Variants in DMXL1 observed in about 807,000 individuals in gnomAD.
DMXL1 encodes dmX-like protein 1.
In DMXL1, 99 loss-of-function variants were observed where a neutral mutation model predicts 319.2. The ratio of observed to expected loss-of-function variants is 0.31; its 90% CI spans 0.26 to 0.37. The LOEUF is 0.37. Ranked by LOEUF, DMXL1 falls within the 10% of genes least tolerant of loss-of-function variation. DMXL1 has a pLI of 1.00. For synonymous variants in DMXL1, 1,385 were observed against 1,235.2 expected, an observed-to-expected ratio of 1.12 and a Z score of -2.54; for missense variants, 3,745 against 3,595.6, an observed-to-expected ratio of 1.04 and a Z score of -1.06.
At position 119,096,290 on chromosome 5, in the gene DMXL1, C is replaced by T. The variant is rs1345348589; in HGVS notation, c.88-1689C>T. ...CTCCCGGGTTCAAGCGATTCTCCTG[C>T]CTCAGCCTCCCAAGTAGCTGAGATT... On this transcript the variant is annotated intron_variant, in intron 1 of 43. Coordinates refer to ENST00000539542, the MANE Select transcript of DMXL1 (RefSeq NM_001290321.3). Among the ~76,000 whole-genome samples the T allele has an allele frequency of 3.3e-5, 5 of 151,814 alleles. No individual in the cohort carries two copies. In the East Asian group the frequency reaches 7.7e-4, roughly 23 times the overall value.
At chr5:119,155,698 C>T (rs1008234277) in intron 19 of DMXL1, among the ~76,000 whole-genome samples, 1 of 151,636 alleles carries the variant, frequency 6.6e-6, no homozygotes, top group Non-Finnish European at 1.5e-5. Context: ...TTTAGTGTTA[C>T]GTGCCTGTAG....
At chr5:119,079,830 C>T (rs1264538538) in intron 1 of DMXL1, among the ~76,000 whole-genome samples, 1 of 152,112 alleles carries the variant, frequency 6.6e-6, no homozygotes, top group African/African-American at 2.4e-5. Context: ...ATACCATACT[C>T]GCCCCCAACC....
rs779828647 is a variant in DMXL1, at chr5:119,221,042, A to G, written c.8238A>G (p.Pro2746=). 1.8e-5 allele frequency: 29 copies of G among 1,613,702 alleles called. No homozygotes were observed. The highest frequency in any genetic ancestry group is 2.4e-5 in the Non-Finnish European group (28 of 1,179,848). Residue 2746 remains proline (P), a synonymous_variant, in exon 37 of 44, where the codon CCA becomes CCG. Coordinates refer to ENST00000539542, the MANE Select transcript of DMXL1 (RefSeq NM_001290321.3). ...ATCCTGGCACTCCAATCAACATGCC[A>G]TGGCTTGGTAGTACACAGACTGGCA... ...HSNPGTPINM[P]WLGSTQTGRG...
intron 19 of DMXL1, among the ~76,000 whole-genome samples, chr5:119,155,588 C>T (rs1314703350): frequency 1.3e-5 from 2 of 152,124 alleles, no homozygotes; most frequent in African/African-American, 4.8e-5. Context: ...CCTGTAATCT[C>T]AACACTTTGG....
At chr5:119,235,227 A>G (rs969618933) in intron 39 of DMXL1, among the ~76,000 whole-genome samples, 2 of 152,182 alleles carry the variant, frequency 1.3e-5, no homozygotes, top group Non-Finnish European at 2.9e-5. Context: ...GTGTCTGGAA[A>G]GGGGTATTAA....
chr5:119,216,238 C>G (rs539484243), intron 34 of DMXL1, among the ~76,000 whole-genome samples: 1 of 151,396 alleles, frequency 6.6e-6, no homozygotes, highest in South Asian at 2.1e-4. Flanking sequence ...TTTCTAAGTC[C>G]AAAGATGTAT....
intron 9 of DMXL1, among the ~76,000 whole-genome samples, 186 bp from the exon 10 acceptor site, chr5:119,129,025 T>G (rs1764217352): frequency 6.6e-6 from 1 of 151,958 alleles, no homozygotes; most frequent in African/African-American, 2.4e-5. Flanking sequence ...ACCAGTGCAC[T>G]CCAGCCTGGC....
chr5:119,075,332 C>A (rs892761700), intron 1 of DMXL1, among the ~76,000 whole-genome samples: 3 of 151,022 alleles, frequency 2.0e-5, no homozygotes, highest in Non-Finnish European at 4.4e-5. Context: ...CTCCGCCTCC[C>A]GGGTTCAAGC....
intron 10 of DMXL1, 146 bp from the exon 11 acceptor site, chr5:119,132,984 TGA>T: frequency 1.5e-6 from 1 of 678,006 alleles, no homozygotes; most frequent in Non-Finnish European, 2.5e-6. Context: ...ATGTGTAGGG[TGA>T]GGTGTGGCGG....
chr5:119,136,827 A>G (rs1043079956), intron 13 of DMXL1, among the ~76,000 whole-genome samples: 1 of 152,228 alleles, frequency 6.6e-6, no homozygotes, highest in Non-Finnish European at 1.5e-5. Context: ...ATGTATGGAA[A>G]CACCTGGATG....
chr5:119,157,043 G>T, intron 19 of DMXL1, among the ~76,000 whole-genome samples: 2 of 151,068 alleles, frequency 1.3e-5, no homozygotes, highest in African/African-American at 2.4e-5. Flanking sequence ...AAGAGTTGAG[G>T]GTCTTACTCT....
chr5:119,238,755 G>A, intron 40 of DMXL1: 1 of 288,268 alleles, frequency 3.5e-6, no homozygotes, highest in Non-Finnish European at 5.2e-6. Flanking sequence ...ATATGAAAGA[G>A]AAGTAGAGGC....
intron 1 of DMXL1, among the ~76,000 whole-genome samples, chr5:119,089,294 T>A (rs6595172): frequency 0.03 from 493 of 16,574 alleles, 4 homozygotes; most frequent in East Asian, 0.11. Flanking sequence ...ATATATATAT[T>A]TTTTTTTTTT....
At chr5:119,224,832 A>G (rs1785245678) in intron 38 of DMXL1, 63 bp downstream of exon 38, 1 of 724,118 alleles carries the variant, frequency 1.4e-6, no homozygotes, top group South Asian at 4.4e-5. Context: ...TGGTAATTTT[A>G]TTATAAGAAA....
chr5:119,117,331 T>C (rs1340750208), intron 7 of DMXL1, among the ~76,000 whole-genome samples: 1 of 152,190 alleles, frequency 6.6e-6, no homozygotes, highest in Non-Finnish European at 1.5e-5. Context: ...ATGAGCCATG[T>C]GCGCAGCCAG....
intron 7 of DMXL1, among the ~76,000 whole-genome samples, chr5:119,118,251 A>G (rs1344063783): frequency 6.6e-6 from 1 of 152,210 alleles, no homozygotes; most frequent in Non-Finnish European, 1.5e-5. Context: ...GGAGAGAATA[A>G]GTGTACTCAG....
intron 25 of DMXL1, 22 bp downstream of exon 25, chr5:119,171,991 C>G (rs1001348599): frequency 6.3e-7 from 1 of 1,585,262 alleles, no homozygotes; most frequent in Non-Finnish European, 8.6e-7. Context: ...TGGTTTCAAG[C>G]TTTTACTTCA....
chr5:119,203,500 C>T, intron 33 of DMXL1, 64 bp downstream of exon 33: 3 of 921,850 alleles, frequency 3.3e-6, no homozygotes, highest in Non-Finnish European at 4.7e-6. Flanking sequence ...ATCATGTAAC[C>T]ATTAAAATGA....
intron 1 of DMXL1, among the ~76,000 whole-genome samples, chr5:119,088,801 G>T (rs1202219932): frequency 6.6e-6 from 1 of 151,986 alleles, no homozygotes; most frequent in East Asian, 1.9e-4. Context: ...GCTTTCAGTT[G>T]TCTTAATTTG....
Sources: allele counts gnomAD v4.1 joint callset (sites outside exome capture counted in the v4.1 genomes callset), GRCh38; gene constraint gnomAD v4.1.1; transcripts MANE v1.5; gene names NCBI Gene and HGNC (gene_info 2026-07-23, HGNC 2026-07-21).